CPEB1: variants seen among roughly 807,000 people sequenced by gnomAD.
CPEB1 encodes the protein cytoplasmic polyadenylation element binding protein 1.
CPEB1 carries 7 observed loss-of-function variants against 65.8 expected under a neutral mutation model. The observed-to-expected ratio is 0.11, with a 90% confidence interval of 0.06 to 0.20. The LOEUF (loss-of-function observed/expected upper bound fraction) is 0.20. Ranked by LOEUF, CPEB1 falls within the 10% of genes least tolerant of loss-of-function variation. The pLI, the probability that CPEB1 is intolerant of heterozygous loss-of-function variation, is 1.00. For synonymous variants in CPEB1, 262 were observed against 260.0 expected (o/e 1.01, Z -0.08); for missense variants, 551 against 712.2 (o/e 0.77, Z 2.58).
intron 1 of CPEB1, chr15:82,628,998 A>G (rs991264159): frequency 1.3e-5 from 2 of 156,774 alleles, no homozygotes; most frequent in Admixed American, 6.1e-5. Context: ...TTATACATAG[A>G]TATTTGACTG....
At chr15:82,577,439 TC>T (rs2040782617) in intron 3 of CPEB1, among the ~76,000 whole-genome samples, 2 of 152,218 alleles carry the variant, frequency 1.3e-5, no homozygotes, top group Non-Finnish European at 2.9e-5. Context: ...TTTTAAGTTT[TC>T]TCTATCTTTT....
At chr15:82,635,007 C>G (rs540394592) in intron 1 of CPEB1, among the ~76,000 whole-genome samples, 1 of 152,156 alleles carries the variant, frequency 6.6e-6, no homozygotes, top group Non-Finnish European at 1.5e-5. Flanking sequence ...GCATGTGTCA[C>G]CACACCCAGC....
At chr15:82,615,184 A>G (rs562601967) in intron 3 of CPEB1, among the ~76,000 whole-genome samples, 1 of 152,296 alleles carries the variant, frequency 6.6e-6, no homozygotes, top group African/African-American at 2.4e-5. Context: ...TGGGTTTATT[A>G]TGAAACGGAC....
chr15:82,550,757 AT>A (rs531063673), intron 9 of CPEB1, among the ~76,000 whole-genome samples: 9 of 152,356 alleles, frequency 5.9e-5, no homozygotes, highest in Admixed American at 5.9e-4. Flanking sequence ...AAAGTGAGTC[AT>A]TTATCTGAAC....
chr15:82,628,600 T>TTA, intron 1 of CPEB1, 44 bp from the exon 2 acceptor site: 2 of 596,684 alleles, frequency 3.4e-6, no homozygotes, highest in Middle Eastern at 4.3e-4. Flanking sequence ...CATAGAAACA[T>TTA]TTTTACAGAA....
Position 82,628,257 on chromosome 15 carries a change from A to G in CPEB1, c.96+107T>C, listed in dbSNP as rs186787813. The G allele has an allele frequency of 1.4e-3, 995 of 702,920 alleles. 4 individuals are homozygous for G. Among genetic ancestry groups the G allele is most frequent in the South Asian group, 2.3e-3 (157 of 67,566 alleles). 43.5% of individuals were successfully genotyped at this position (702,920 alleles called of 1,614,324 possible). Reference sequence around the variant, plus strand: ...GTACATGACTTCACAGATTTACCACAGAGCCAATACAGGAAATCATGAAAG... The same window carrying G: ...GTACATGACTTCACAGATTTACCACGGAGCCAATACAGGAAATCATGAAAG... On this transcript the variant is annotated intron_variant, in intron 2 of 12. Coordinates refer to ENST00000684509, the MANE Select transcript of CPEB1 (RefSeq NM_001365242.1).
In CPEB1 at chr15:82,556,053, T is replaced by C; in HGVS notation, c.757A>G (p.Lys253Glu). The C allele has an allele frequency of 6.2e-7, 1 of 1,612,324 alleles. No individual in the cohort carries two copies. The highest frequency in any genetic ancestry group is 8.5e-7 in the Non-Finnish European group (1 of 1,179,266). The change falls in exon 6 of 13, where the codon AAG (lysine) becomes GAG (glutamate). Residue 253 changes from lysine (K) to glutamate (E), a missense_variant. Lys to Glu is a moderately conservative substitution (Grantham distance 56). Coordinates refer to ENST00000684509, the MANE Select transcript of CPEB1 (RefSeq NM_001365242.1). Reference sequence around the variant, plus strand: ...TCCATCCGAGACCCTACCCCCATCTTTAAAGGGTCTCTGGGACCACCCCCT... The same window carrying C: ...TCCATCCGAGACCCTACCCCCATCTCTAAAGGGTCTCTGGGACCACCCCCT... Reference protein sequence around the residue: ...LSGGGPRDPLKMGVGSRMDQE... With the variant: ...LSGGGPRDPLEMGVGSRMDQE...
In CPEB1 at chr15:82,593,291, T is replaced by C. The variant is rs997916046; in HGVS notation, c.272-21759A>G. 2.6e-5 allele frequency among the ~76,000 whole-genome samples: 4 copies of C among 152,366 alleles called. No individual in the cohort carries two copies. The East Asian group carries it at 5.8e-4, about 22-fold the overall frequency. On this transcript the variant is annotated intron_variant, in intron 3 of 12. Coordinates refer to ENST00000684509, the MANE Select transcript of CPEB1 (RefSeq NM_001365242.1). Reference sequence around the variant, plus strand: ...ATCCTCTCAAACTCTGCCTCTGCTTTATCAACTAACTTTATGTGGAAATTC... The same window carrying C: ...ATCCTCTCAAACTCTGCCTCTGCTTCATCAACTAACTTTATGTGGAAATTC...
chr15:82,631,103 G>A (rs1464236102), intron 1 of CPEB1, among the ~76,000 whole-genome samples: 4 of 152,106 alleles, frequency 2.6e-5, no homozygotes, highest in African/African-American at 9.7e-5. Context: ...GGGAACAGAT[G>A]CAGACTTGGG....
chr15:82,617,984 C>G (rs2044910533), intron 3 of CPEB1, among the ~76,000 whole-genome samples: 2 of 151,660 alleles, frequency 1.3e-5, no homozygotes, highest in African/African-American at 2.4e-5. Flanking sequence ...CCGCCCGCCT[C>G]GGCCTCCCAA....
intron 3 of CPEB1, among the ~76,000 whole-genome samples, chr15:82,600,218 T>C (rs552429481): frequency 6.6e-6 from 1 of 152,270 alleles, no homozygotes; most frequent in Admixed American, 6.5e-5. Flanking sequence ...TGACCGACTT[T>C]TGAAAACCAT....
Position 82,571,423 on chromosome 15 carries a change from C to T in CPEB1, c.381G>A (p.Gln127=). Residue 127 remains glutamine, a synonymous_variant, in exon 4 of 13, where the codon CAG becomes CAA. Transcript: ENST00000684509. ...GGTCCCAGCCTGTCAGACTGAGGGA[C>T]TGCAGGCCAAGGCACAAGTCATTTG... ...PDANDLCLGL[Q]SLSLTGWDRP... 1 of 1,614,146 alleles carries T rather than the reference C, an allele frequency of 6.2e-7. No individual in the cohort carries two copies. The highest frequency in any genetic ancestry group is 1.1e-5 in the South Asian group (1 of 91,086).
intron 3 of CPEB1, among the ~76,000 whole-genome samples, chr15:82,601,305 C>G (rs2043103532): frequency 5.3e-5 from 8 of 151,680 alleles, no homozygotes; most frequent in Admixed American, 5.2e-4. Context: ...CTTTGGGAGG[C>G]CAAGGCGGGT....
intron 3 of CPEB1, among the ~76,000 whole-genome samples, chr15:82,604,830 GAC>G (rs1391421080): frequency 6.6e-6 from 1 of 152,060 alleles, no homozygotes; most frequent in Non-Finnish European, 1.5e-5. Flanking sequence ...GAGGGAAAGA[GAC>G]AGAATATGTG....
intron 5 of CPEB1, 93 bp downstream of exon 5, chr15:82,557,667 G>C: frequency 9.6e-7 from 1 of 1,044,746 alleles, no homozygotes; most frequent in South Asian, 1.5e-5. Context: ...CATTCCAGGG[G>C]ACAGGCATCC....
At chr15:82,592,984 G>A (rs886701771) in intron 3 of CPEB1, among the ~76,000 whole-genome samples, 7 of 152,090 alleles carry the variant, frequency 4.6e-5, no homozygotes, top group Admixed American at 1.3e-4. Context: ...ACAACAGAGC[G>A]ATACTCCGTC....
At chr15:82,629,351 T>G (rs1027634581) in intron 1 of CPEB1, 1 of 984,868 alleles carries the variant, frequency 1.0e-6, no homozygotes. Flanking sequence ...CCAAACTGAT[T>G]AAGTTATACA....
At chr15:82,611,602 A>T (rs1016025013) in intron 3 of CPEB1, among the ~76,000 whole-genome samples, 3 of 151,912 alleles carry the variant, frequency 2.0e-5, no homozygotes, top group African/African-American at 7.3e-5. Context: ...ACAAAAAAAT[A>T]AAAATAAAAA....
At chr15:82,593,994 A>G (rs1368076891) in intron 3 of CPEB1, among the ~76,000 whole-genome samples, 1 of 152,224 alleles carries the variant, frequency 6.6e-6, no homozygotes, top group Non-Finnish European at 1.5e-5. Context: ...TATAGAGCAC[A>G]GGCAGAGTAG....
Sources: allele counts gnomAD v4.1 joint callset (sites outside exome capture counted in the v4.1 genomes callset), GRCh38; gene constraint gnomAD v4.1.1; transcripts MANE v1.5; gene names NCBI Gene and HGNC (gene_info 2026-07-23, HGNC 2026-07-21).